The following ARHGEF38 variants were observed in gnomAD, a reference collection of about 807,000 sequenced individuals.
ARHGEF38 encodes Rho guanine nucleotide exchange factor 38.
Under a neutral mutation model 79.9 loss-of-function variants are expected in ARHGEF38, and 79 were observed. The ratio of observed to expected loss-of-function variants is 0.99; its 90% CI spans 0.82 to 1.19. The LOEUF (loss-of-function observed/expected upper bound fraction) is 1.19, where lower values mean the gene tolerates loss of function less well. Among genes scored for constraint, ARHGEF38 ranks in the 50% most tolerant of loss-of-function variants. The probability of loss-of-function intolerance (pLI) is 0.00; values close to 1 mark genes in which losing one functional copy is unlikely to be tolerated. For synonymous variants in ARHGEF38, 366 were observed against 328.3 expected, an observed-to-expected ratio of 1.11 and a Z score of -1.24; for missense variants, 962 against 907.2, an observed-to-expected ratio of 1.06 and a Z score of -0.78.
intron 9 of ARHGEF38, among the ~76,000 whole-genome samples, chr4:105,657,152 C>T (rs527249135): frequency 6.6e-6 from 1 of 152,212 alleles, no homozygotes; most frequent in Non-Finnish European, 1.5e-5. Flanking sequence ...ATAGAGAGCA[C>T]ACATTCTAGA....
chr4:105,656,963 G>C (rs369791820), intron 9 of ARHGEF38, among the ~76,000 whole-genome samples: 1 of 152,062 alleles, frequency 6.6e-6, no homozygotes, highest in Non-Finnish European at 1.5e-5. Flanking sequence ...ACAGGTCAAC[G>C]ACAGATGAAT....
chr4:105,667,437 T>A lies in ARHGEF38; in HGVS notation c.1889-7T>A. 1 of 1,535,578 alleles carries A rather than the reference T, an allele frequency of 6.5e-7. No individual in the cohort carries two copies. Among genetic ancestry groups the A allele is most frequent in the Non-Finnish European group, 8.7e-7 (1 of 1,146,608 alleles). ...TTGGTTCTTCTTTCTTTTTATTTCC[T>A]ATCCAGATGTGAAAGGATATGTTTA... On this transcript the variant is annotated splice_polypyrimidine_tract_variant and splice_region_variant and intron_variant, in intron 12 of 13. Transcript: ENST00000420470.
At chr4:105,626,264 G>C (rs932205229) in intron 3 of ARHGEF38, among the ~76,000 whole-genome samples, 1 of 152,074 alleles carries the variant, frequency 6.6e-6, no homozygotes, top group Non-Finnish European at 1.5e-5. Flanking sequence ...CCACAATTCT[G>C]GGATATGCCT....
At chr4:105,651,246 G>T (rs941321866) in intron 7 of ARHGEF38, among the ~76,000 whole-genome samples, 2 of 152,206 alleles carry the variant, frequency 1.3e-5, no homozygotes, top group African/African-American at 4.8e-5. Flanking sequence ...AGGATGTCCT[G>T]TCAGCAATGA....
At chr4:105,631,936 A>G (rs1729210917) in intron 4 of ARHGEF38, among the ~76,000 whole-genome samples, 1 of 152,160 alleles carries the variant, frequency 6.6e-6, no homozygotes, top group Non-Finnish European at 1.5e-5. Flanking sequence ...AAACAACCAC[A>G]GAGAGCTGTG....
intron 13 of ARHGEF38, among the ~76,000 whole-genome samples, chr4:105,671,039 T>C (rs1730941315): frequency 6.6e-6 from 1 of 152,192 alleles, no homozygotes; most frequent in South Asian, 2.1e-4. Flanking sequence ...AGATTTCCAT[T>C]ACCAAGAGAG....
chr4:105,671,495 T>A (rs1730956979), intron 13 of ARHGEF38, among the ~76,000 whole-genome samples: 1 of 152,190 alleles, frequency 6.6e-6, no homozygotes, highest in African/African-American at 2.4e-5. Flanking sequence ...TAATGCATAA[T>A]ATTGAAAACA....
At position 105,659,125 on chromosome 4, in the gene ARHGEF38, G is replaced by A. The variant is rs1730457649; in HGVS notation, c.1305G>A (p.Lys435=). Reference sequence around the variant, plus strand: ...TGTCCTTATTCCCAGGGCCTCACAAGCTCATCCAGAAACGCTATGACAAAC... The same window carrying A: ...TGTCCTTATTCCCAGGGCCTCACAAACTCATCCAGAAACGCTATGACAAAC... The part of the protein sequence containing the change: ...ALLSLFPGPH[K]LIQKRYDKLL... Residue 435 remains lysine (K), a synonymous_variant, in exon 10 of 14, where the codon AAG becomes AAA. Transcript: ENST00000420470. The A allele has an allele frequency of 6.5e-7, 1 of 1,536,120 alleles. No homozygotes were observed. The highest frequency in any genetic ancestry group is 1.2e-5 in the South Asian group (1 of 84,048).
chr4:105,637,082 A>T (rs1226517176), intron 5 of ARHGEF38, among the ~76,000 whole-genome samples: 1 of 152,112 alleles, frequency 6.6e-6, no homozygotes, highest in East Asian at 1.9e-4. Flanking sequence ...TTTACCAGGC[A>T]CATGTTTGGC....
chr4:105,631,697 T>C (rs1729200948), intron 4 of ARHGEF38: 1 of 960,264 alleles, frequency 1.0e-6, no homozygotes, highest in South Asian at 4.8e-5. Context: ...GCCCCTTTCT[T>C]CTTAATAATC....
chr4:105,612,438 T>C (rs1728332380), intron 2 of ARHGEF38, among the ~76,000 whole-genome samples: 1 of 152,110 alleles, frequency 6.6e-6, no homozygotes, highest in African/African-American at 2.4e-5. Flanking sequence ...TATTGATGAA[T>C]TAATTATCCA....
At chr4:105,597,652 A>G (rs1361092471) in intron 2 of ARHGEF38, among the ~76,000 whole-genome samples, 1 of 152,126 alleles carries the variant, frequency 6.6e-6, no homozygotes, top group Non-Finnish European at 1.5e-5. Context: ...TAAGGTATTG[A>G]TTTCTCACAG....
At chr4:105,622,129 G>T (rs1728760092) in intron 3 of ARHGEF38, among the ~76,000 whole-genome samples, 1 of 152,072 alleles carries the variant, frequency 6.6e-6, no homozygotes, top group South Asian at 2.1e-4. Context: ...TAAAATAAAG[G>T]TGGCTTAGTA....
intron 5 of ARHGEF38, among the ~76,000 whole-genome samples, chr4:105,643,824 T>C (rs182813713): frequency 1.3e-5 from 2 of 151,842 alleles, no homozygotes; most frequent in East Asian, 3.9e-4. Context: ...CTTTTGTTTC[T>C]CATTTATCAA....
At position 105,571,154 on chromosome 4, in the gene ARHGEF38, AAT is replaced by A. The variant is rs1252681780; in HGVS notation, c.197-18092_197-18091del. ...AATGCCGCTGAACTGCACACTTAAA[AAT>A]AGTTACCATTATACATTTTATGTCA... is the stretch of plus-strand genomic sequence containing the variant. On this transcript the variant is annotated intron_variant, in intron 1 of 13. Coordinates refer to ENST00000420470, the MANE Select transcript of ARHGEF38 (RefSeq NM_001242729.2). Among the ~76,000 whole-genome samples, 5 of 152,330 alleles carry A rather than the reference AAT, an allele frequency of 3.3e-5. No homozygotes were observed. The East Asian group carries it at 7.7e-4, about 23-fold the overall frequency.
chr4:105,632,239 A>G (rs1465183366), intron 4 of ARHGEF38, among the ~76,000 whole-genome samples: 5 of 152,106 alleles, frequency 3.3e-5, no homozygotes, highest in African/African-American at 4.8e-5. Flanking sequence ...GCAGTTTTAA[A>G]CCATTCTTCA....
intron 5 of ARHGEF38, among the ~76,000 whole-genome samples, chr4:105,639,613 A>G (rs1729539244): frequency 6.6e-6 from 1 of 152,022 alleles, no homozygotes; most frequent in South Asian, 2.1e-4. Flanking sequence ...AATTCTCATA[A>G]CATCTGATAT....
chr4:105,623,512 T>C (rs1460305028), intron 3 of ARHGEF38, among the ~76,000 whole-genome samples: 1 of 152,058 alleles, frequency 6.6e-6, no homozygotes. Flanking sequence ...AAAAGTTATG[T>C]ACCTTTTCCT....
intron 3 of ARHGEF38, 50 bp downstream of exon 3, chr4:105,613,557 T>C: frequency 6.3e-7 from 1 of 1,595,760 alleles, no homozygotes; most frequent in Non-Finnish European, 8.6e-7. Context: ...AAATAATTTT[T>C]TAATAACCTC....
Sources: gnomAD v4.1 joint callset for allele counts (sites outside exome capture counted in the v4.1 genomes callset) on GRCh38, gnomAD v4.1.1 for gene constraint, MANE v1.5 for transcripts, NCBI Gene and HGNC (gene_info 2026-07-23, HGNC 2026-07-21) for gene names.